Variants in PINX1 observed in about 807,000 individuals in gnomAD.
PINX1 encodes the protein PIN2 (TERF1) interacting telomerase inhibitor 1.
PINX1 carries 34 observed loss-of-function variants against 25.4 expected under a neutral mutation model. That is an observed-to-expected ratio of 1.34 (90% CI 1.02 to 1.78). The LOEUF is 1.78. Ranked by LOEUF, PINX1 falls within the 40% of genes most tolerant of loss-of-function variation. The pLI is 0.00. For synonymous variants in PINX1, 197 were observed against 147.7 expected, an observed-to-expected ratio of 1.33 and a Z score of -2.42; for missense variants, 592 against 404.9, an observed-to-expected ratio of 1.46 and a Z score of -3.97.
intron 6 of PINX1, among the ~76,000 whole-genome samples, chr8:10,773,873 G>C (rs1374060027): frequency 6.6e-6 from 1 of 152,224 alleles, no homozygotes; most frequent in Non-Finnish European, 1.5e-5. Flanking sequence ...CTCAGGCTCG[G>C]AAAGCTGCAG....
chr8:10,790,833 C>T (rs555259609), intron 6 of PINX1, among the ~76,000 whole-genome samples: 41 of 152,172 alleles, frequency 2.7e-4, no homozygotes, highest in Non-Finnish European at 4.9e-4. Flanking sequence ...CCCAGAAGCT[C>T]TCAAGTACAC....
chr8:10,800,387 A>G (rs76825006), intron 6 of PINX1, among the ~76,000 whole-genome samples: 356 of 152,328 alleles, frequency 2.3e-3, no homozygotes, highest in African/African-American at 7.8e-3. Flanking sequence ...AAGAGCTGTT[A>G]TAAGTAACTT....
intron 6 of PINX1, among the ~76,000 whole-genome samples, chr8:10,780,145 A>G (rs1801538430): frequency 6.6e-6 from 1 of 152,146 alleles, no homozygotes; most frequent in Non-Finnish European, 1.5e-5. Context: ...TACATATAGG[A>G]TCAGGTCATC....
At chr8:10,804,768 C>T (rs1269525862) in intron 6 of PINX1, among the ~76,000 whole-genome samples, 1 of 151,376 alleles carries the variant, frequency 6.6e-6, no homozygotes, top group Non-Finnish European at 1.5e-5. Flanking sequence ...AAAGAAATCA[C>T]AGATCACACT....
chr8:10,766,369 C>T (rs552982099), intron 6 of PINX1, among the ~76,000 whole-genome samples: 2 of 152,344 alleles, frequency 1.3e-5, no homozygotes, highest in South Asian at 2.1e-4. Context: ...ACATGGGCCC[C>T]TGTGTTGATC....
intron 6 of PINX1, among the ~76,000 whole-genome samples, chr8:10,789,949 C>T (rs1259479217): frequency 1.3e-5 from 2 of 152,180 alleles, no homozygotes; most frequent in Admixed American, 1.3e-4. Context: ...AAATTAAAAA[C>T]TCACACCGAA....
Position 10,834,016 on chromosome 8 carries a change from T to G in PINX1, c.129+650A>C, listed in dbSNP as rs73209909. Among the ~76,000 whole-genome samples the G allele has an allele frequency of 7.1e-3, 1,081 of 152,172 alleles. 8 individuals carry two copies. Among genetic ancestry groups the G allele is most frequent in the Non-Finnish European group, 0.011 (760 of 67,990 alleles). ...TCAGAGGACAGAACTGGACTCAATA[T>G]AGAAAAATGACAGTTCCCAGACTTT... On this transcript the variant is annotated intron_variant, in intron 2 of 6. Coordinates refer to ENST00000314787, the MANE Select transcript of PINX1 (RefSeq NM_017884.6).
rs777278796 is a variant in PINX1, at chr8:10,786,361, G to A, written c.472-20445C>T. The stretch of plus-strand genomic sequence containing the variant: ...GGCTCTTTCTACAACACCAAGTAGC[G>A]TGGCTGTCTTGGTAAACAGGGGAAT... On this transcript the variant is annotated intron_variant, in intron 6 of 6. Transcript: ENST00000314787. 2.0e-4 allele frequency among the ~76,000 whole-genome samples: 31 copies of A among 152,270 alleles called. 1 individual carries two copies. The highest frequency in any genetic ancestry group is 7.2e-4 in the African/African-American group (30 of 41,550).
At chr8:10,782,375 T>C (rs1046517091) in intron 6 of PINX1, among the ~76,000 whole-genome samples, 2 of 152,020 alleles carry the variant, frequency 1.3e-5, no homozygotes, top group Admixed American at 6.5e-5. Context: ...ACTATGTCAC[T>C]ACATATATGT....
intron 6 of PINX1, among the ~76,000 whole-genome samples, chr8:10,770,709 A>G (rs185330688): frequency 2.0e-5 from 3 of 152,332 alleles, no homozygotes; most frequent in African/African-American, 7.2e-5. Context: ...AGCAGTTTGC[A>G]CAGAGACCTT....
At chr8:10,838,142 G>A (rs6601535) in intron 1 of PINX1, among the ~76,000 whole-genome samples, 2 of 152,010 alleles carry the variant, frequency 1.3e-5, no homozygotes, top group Non-Finnish European at 2.9e-5. Context: ...TCTTAGAACC[G>A]GTTCTAGTTC....
Position 10,765,899 on chromosome 8 carries a change from G to A in PINX1, c.489C>T (p.Ser163=). 4 of 1,613,754 alleles carry A rather than the reference G, an allele frequency of 2.5e-6. No homozygotes were observed. The highest frequency in any genetic ancestry group is 3.4e-6 in the Non-Finnish European group (4 of 1,179,858). Residue 163 remains serine (S), a synonymous_variant, in exon 7 of 7, where the codon TCC becomes TCT. Coordinates refer to ENST00000314787, the MANE Select transcript of PINX1 (RefSeq NM_017884.6). ...KKTPEGDASP[S]TPEENETTTT... is the part of the protein sequence containing the mutation. ...TCGTGGTTTCGTTCTCCTCTGGAGTGGAGGGACTGGCATCGCCCTATGGTG... is the reference window on the plus strand; with the variant it reads ...TCGTGGTTTCGTTCTCCTCTGGAGTAGAGGGACTGGCATCGCCCTATGGTG...
chr8:10,775,645 T>G (rs1801368442), intron 6 of PINX1, among the ~76,000 whole-genome samples: 1 of 152,152 alleles, frequency 6.6e-6, no homozygotes, highest in African/African-American at 2.4e-5. Context: ...GTGGCACTGC[T>G]ATAAAATATC....
chr8:10,791,531 C>T (rs921468263), intron 6 of PINX1, among the ~76,000 whole-genome samples: 21 of 152,180 alleles, frequency 1.4e-4, no homozygotes, highest in African/African-American at 5.1e-4. Flanking sequence ...CTGGTAAACT[C>T]CAACTGAGAA....
At chr8:10,815,744 T>C (rs1013438153) in intron 6 of PINX1, among the ~76,000 whole-genome samples, 3 of 152,238 alleles carry the variant, frequency 2.0e-5, no homozygotes, top group Non-Finnish European at 4.4e-5. Context: ...TGTACTTACA[T>C]ATCACTTCAC....
chr8:10,808,651 G>A (rs770218170), intron 6 of PINX1, among the ~76,000 whole-genome samples: 1 of 152,188 alleles, frequency 6.6e-6, no homozygotes, highest in Admixed American at 6.5e-5. Flanking sequence ...ATAGAGCCAA[G>A]ATTTTAACTC....
intron 6 of PINX1, among the ~76,000 whole-genome samples, chr8:10,781,653 T>C (rs1404226521): frequency 1.3e-5 from 2 of 152,044 alleles, no homozygotes; most frequent in East Asian, 1.9e-4. Flanking sequence ...CCCACACCCA[T>C]TAGGAGAGTT....
At chr8:10,830,848 C>G (rs1032718103) in intron 4 of PINX1, among the ~76,000 whole-genome samples, 3 of 152,156 alleles carry the variant, frequency 2.0e-5, no homozygotes, top group South Asian at 4.2e-4. Context: ...AATTGGAACT[C>G]TTATGCACTG....
chr8:10,832,829 T>A, intron 3 of PINX1, 63 bp downstream of exon 3: 1 of 916,152 alleles, frequency 1.1e-6, no homozygotes, highest in South Asian at 1.5e-5. Context: ...CAATCAACTT[T>A]CAGATTTACA....
Sources: allele counts gnomAD v4.1 joint callset (sites outside exome capture counted in the v4.1 genomes callset), GRCh38; gene constraint gnomAD v4.1.1; transcripts MANE v1.5; gene names NCBI Gene and HGNC (gene_info 2026-07-23, HGNC 2026-07-21).